Variants in TMEM132D observed in about 807,000 individuals in gnomAD.
TMEM132D encodes the protein transmembrane protein 132D.
TMEM132D carries 21 observed loss-of-function variants against 62.3 expected under a neutral mutation model. That is an observed-to-expected ratio of 0.34 (90% CI 0.24 to 0.49). The LOEUF (loss-of-function observed/expected upper bound fraction) is 0.49, where lower values mean the gene tolerates loss of function less well. Among genes scored for constraint, TMEM132D ranks in the 20% least tolerant of loss-of-function variants. TMEM132D has a pLI of 0.99. For missense variants in TMEM132D, 1,346 were observed against 1,402.8 expected, an observed-to-expected ratio of 0.96 and a Z score of 0.65; for synonymous variants, 621 against 575.6, an observed-to-expected ratio of 1.08 and a Z score of -1.13.
At chr12:129,491,699 T>C (rs986216053) in intron 3 of TMEM132D, among the ~76,000 whole-genome samples, 1 of 152,218 alleles carries the variant, frequency 6.6e-6, no homozygotes, top group East Asian at 1.9e-4. Context: ...CCCAGCACTT[T>C]GGGAGGCCGA....
intron 2 of TMEM132D, among the ~76,000 whole-genome samples, chr12:129,569,306 C>A (rs1347781320): frequency 2.0e-5 from 3 of 152,146 alleles, no homozygotes; most frequent in Admixed American, 2.0e-4. Context: ...TAGCTGGAAT[C>A]AAATTGAAGG....
chr12:129,346,055 A>G (rs921165468), intron 3 of TMEM132D, among the ~76,000 whole-genome samples: 1 of 152,104 alleles, frequency 6.6e-6, no homozygotes, highest in Non-Finnish European at 1.5e-5. Flanking sequence ...TCGGCTGTGA[A>G]TCCATCTGGT....
chr12:129,495,980 G>T (rs1874942107), intron 3 of TMEM132D, among the ~76,000 whole-genome samples: 1 of 152,170 alleles, frequency 6.6e-6, no homozygotes, highest in Non-Finnish European at 1.5e-5. Context: ...ACTCAGTAAG[G>T]CAGGGGGCTT....
At chr12:129,403,574 C>A (rs1871683302) in intron 3 of TMEM132D, among the ~76,000 whole-genome samples, 1 of 151,962 alleles carries the variant, frequency 6.6e-6, no homozygotes, top group Non-Finnish European at 1.5e-5. Context: ...GCAAATCTGA[C>A]AAAAGCAAGG....
Position 129,700,668 on chromosome 12 carries a change from A to T in TMEM132D, c.110T>A (p.Ile37Asn), listed in dbSNP as rs2137228008. 6.2e-7 allele frequency: 1 copy of T among 1,613,344 alleles called. No individual in the cohort carries two copies. The highest frequency in any genetic ancestry group is 8.5e-7 in the Non-Finnish European group (1 of 1,179,826). The change falls in exon 2 of 9, where the codon ATC becomes AAC. Residue 37 changes from isoleucine (I) to asparagine (N), a missense_variant. Physicochemically the swap from Ile to Asn is moderately radical, Grantham distance 149. Transcript: ENST00000422113. ...GGTGGGCAGCAAGGAAAACCTCTGG[A>T]TGCTCTCAAGGATCCCTCGACCTTC... is the stretch of plus-strand genomic sequence containing the variant. ...VTEGRGILES[I>N]QRFSLLPTYL...
chr12:129,735,928 G>A (rs930987268), intron 1 of TMEM132D, among the ~76,000 whole-genome samples: 1 of 152,086 alleles, frequency 6.6e-6, no homozygotes, highest in Non-Finnish European at 1.5e-5. Flanking sequence ...CACGAATGAG[G>A]GGCAGCAACA....
At chr12:129,786,147 C>T (rs529893625) in intron 1 of TMEM132D, among the ~76,000 whole-genome samples, 14 of 152,280 alleles carry the variant, frequency 9.2e-5, no homozygotes, top group African/African-American at 3.4e-4. Context: ...CTCCCTCTTC[C>T]TCTGAGGCTC....
intron 4 of TMEM132D, among the ~76,000 whole-genome samples, chr12:129,234,305 A>G (rs987810036): frequency 1.3e-5 from 2 of 152,192 alleles, no homozygotes; most frequent in Admixed American, 6.5e-5. Flanking sequence ...CCGAGAAGCT[A>G]TTATGAAGAG....
intron 2 of TMEM132D, among the ~76,000 whole-genome samples, chr12:129,639,550 T>C (rs1415038240): frequency 6.6e-6 from 1 of 152,050 alleles, no homozygotes; most frequent in African/African-American, 2.4e-5. Context: ...GTGTCCCCAG[T>C]GGCCCAGAAC....
At chr12:129,451,242 T>TA (rs1015383137) in intron 3 of TMEM132D, among the ~76,000 whole-genome samples, 1 of 152,086 alleles carries the variant, frequency 6.6e-6, no homozygotes, top group Non-Finnish European at 1.5e-5. Context: ...AAAGAGTTTT[T>TA]AAAAAATATA....
At chr12:129,751,008 T>C (rs1869983193) in intron 1 of TMEM132D, among the ~76,000 whole-genome samples, 1 of 152,230 alleles carries the variant, frequency 6.6e-6, no homozygotes, top group Non-Finnish European at 1.5e-5. Context: ...CTTTGATTTC[T>C]GGTTTCTGAA....
At chr12:129,158,014 T>C (rs77372205) in intron 5 of TMEM132D, among the ~76,000 whole-genome samples, 12,776 of 152,152 alleles carry the variant, frequency 0.084, 1,255 homozygotes, top group African/African-American at 0.23. Context: ...GGCAACATCA[T>C]GAAGCACCTG....
At position 129,779,558 on chromosome 12, in the gene TMEM132D, C is replaced by G. The variant is rs1945668769; in HGVS notation, c.80-78860G>C. Among the ~76,000 whole-genome samples, 3 of 152,208 alleles carry G rather than the reference C, an allele frequency of 2.0e-5. No individual in the cohort carries two copies. On this transcript the variant is annotated intron_variant, in intron 1 of 8. Coordinates refer to ENST00000422113, the MANE Select transcript of TMEM132D (RefSeq NM_133448.3). The surrounding 1 kb of genome is among the most constrained non-coding windows in gnomAD (Gnocchi z 4.1). ...TCAGCCTCCCAAAGTGTTGGGATTACAGGTGTGAGCCACCACACCCGGCCC... is the reference window on the plus strand; with the variant it reads ...TCAGCCTCCCAAAGTGTTGGGATTAGAGGTGTGAGCCACCACACCCGGCCC...
At chr12:129,148,144 C>T (rs1250686900) in intron 5 of TMEM132D, among the ~76,000 whole-genome samples, 2 of 152,148 alleles carry the variant, frequency 1.3e-5, no homozygotes, top group Non-Finnish European at 2.9e-5. Context: ...TTATTGAGGG[C>T]AAGCACCCCA....
chr12:129,531,227 G>A, intron 2 of TMEM132D, 22 bp from the exon 3 acceptor site: 1 of 1,592,610 alleles, frequency 6.3e-7, no homozygotes, highest in African/African-American at 1.3e-5. Flanking sequence ...AGCACGTGTG[G>A]GTCTGAGTCA....
rs1879266463 is a variant in TMEM132D at position 129,218,358 on chromosome 12, A to G, written c.1300-8695T>C. Among the ~76,000 whole-genome samples the G allele has an allele frequency of 1.3e-5, 2 of 152,242 alleles. 1 individual carries two copies. Among genetic ancestry groups the G allele is most frequent in the South Asian group, 4.1e-4 (2 of 4,834 alleles). ...CATCGTTGTGTGAACATCATAGAGT[A>G]TATTCCACAAACCTAGAAGGCAGAG... On this transcript the variant is annotated intron_variant, in intron 4 of 8. Transcript: ENST00000422113.
At chr12:129,634,249 G>A (rs569407881) in intron 2 of TMEM132D, among the ~76,000 whole-genome samples, 1 of 152,150 alleles carries the variant, frequency 6.6e-6, no homozygotes, top group South Asian at 2.1e-4. Context: ...GAGACAGAAG[G>A]ATGGCTTGAG....
intron 4 of TMEM132D, among the ~76,000 whole-genome samples, chr12:129,240,328 G>C (rs1879902183): frequency 6.6e-6 from 1 of 152,152 alleles, no homozygotes; most frequent in Non-Finnish European, 1.5e-5. Context: ...TTCAATGATA[G>C]TCTTCAGTTT....
intron 3 of TMEM132D, among the ~76,000 whole-genome samples, chr12:129,350,244 G>C (rs1016054270): frequency 1.3e-5 from 2 of 152,132 alleles, no homozygotes; most frequent in Non-Finnish European, 2.9e-5. Context: ...CTCTTCCCCA[G>C]CTAAGGAAGA....
Sources: gnomAD v4.1 joint callset for allele counts (sites outside exome capture counted in the v4.1 genomes callset) on GRCh38, gnomAD v4.1.1 for gene constraint, Gnocchi (gnomAD v3.1) non-coding constraint, MANE v1.5 for transcripts, NCBI Gene and HGNC (gene_info 2026-07-23, HGNC 2026-07-21) for gene names.